TRAK1: variants seen among roughly 807,000 people sequenced by gnomAD.
TRAK1 encodes the protein trafficking kinesin protein 1.
In TRAK1, 33 loss-of-function variants were observed where a neutral mutation model predicts 92.1. That is an observed-to-expected ratio of 0.36 (90% confidence interval 0.27 to 0.48). TRAK1 has a LOEUF of 0.48. Ranked by LOEUF, TRAK1 falls within the 20% of genes least tolerant of loss-of-function variation. The probability of loss-of-function intolerance (pLI) is 0.99; values close to 1 mark genes in which losing one functional copy is unlikely to be tolerated. For synonymous variants in TRAK1, 521 were observed against 517.3 expected (o/e 1.01, Z -0.10); for missense variants, 1,123 against 1,257.9 (o/e 0.89, Z 1.62).
intron 2 of TRAK1, among the ~76,000 whole-genome samples, chr3:42,128,990 T>C (rs1710956594): frequency 6.6e-6 from 1 of 152,222 alleles, no homozygotes; most frequent in Non-Finnish European, 1.5e-5. Flanking sequence ...CCTTTTTTTG[T>C]CGTTGTTAAT....
chr3:42,085,396 T>A (rs1704624039), upstream of TRAK1, among the ~76,000 whole-genome samples: 1 of 152,194 alleles, frequency 6.6e-6, no homozygotes, highest in African/African-American at 2.4e-5. Flanking sequence ...CTCAAACTCC[T>A]GACCTCAAGT....
upstream of TRAK1, among the ~76,000 whole-genome samples, chr3:42,088,258 G>GTGT (rs1205806894): frequency 6.6e-5 from 10 of 152,198 alleles, no homozygotes; most frequent in African/African-American, 2.4e-4. Context: ...GACCTCCTGT[G>GTGT]TGTCAGGGGT....
At chr3:42,042,785 G>A (rs1450011922) in intron 1 of TRAK1, among the ~76,000 whole-genome samples, 1 of 152,104 alleles carries the variant, frequency 6.6e-6, no homozygotes, top group African/African-American at 2.4e-5. Flanking sequence ...TATGCTCCAG[G>A]ATGGAATACA....
chr3:42,206,642 TAGTAAAAGCCC>T lies in TRAK1; in HGVS notation c.1745-3116_1745-3106del, dbSNP rs1708364964. 2.0e-5 allele frequency among the ~76,000 whole-genome samples: 3 copies of T among 152,222 alleles called. No individual in the cohort carries two copies. The South Asian group carries it at 6.2e-4, about 32-fold the overall frequency. On this transcript the variant is annotated intron_variant, in intron 13 of 15. Transcript: ENST00000327628. ...AGACCTCAGAAAAGTGTCTGGCGCT[TAGTAAAAGCCC>T]AGTAAAAGTTGGCTGTTCTTACATG...
At chr3:42,049,167 C>G (rs1312297132) in intron 1 of TRAK1, among the ~76,000 whole-genome samples, 2 of 152,214 alleles carry the variant, frequency 1.3e-5, no homozygotes, top group Non-Finnish European at 2.9e-5. Flanking sequence ...ACCACCGCAC[C>G]CAGCAGGGAT....
intron 1 of TRAK1, among the ~76,000 whole-genome samples, chr3:42,074,949 TGTG>T (rs1398048976): frequency 6.6e-6 from 1 of 152,122 alleles, no homozygotes; most frequent in African/African-American, 2.4e-5. Flanking sequence ...AATAAGAAAA[TGTG>T]GTATTTGGTT....
intron 2 of TRAK1, among the ~76,000 whole-genome samples, chr3:42,138,872 AGG>A (rs201691631): frequency 0.19 from 16,185 of 86,780 alleles, 1,678 homozygotes; most frequent in African/African-American, 0.28. Context: ...AAGAAAGCAT[AGG>A]GGGTGTGTGT....
intron 1 of TRAK1, among the ~76,000 whole-genome samples, chr3:42,041,817 C>T (rs1559717074): frequency 4.1e-5 from 6 of 146,174 alleles, no homozygotes; most frequent in Admixed American, 7.0e-5. Context: ...CTTTTTGAGA[C>T]GGAGTCTCGC....
chr3:42,049,164 C>T (rs1055817864), intron 1 of TRAK1, among the ~76,000 whole-genome samples: 1 of 152,240 alleles, frequency 6.6e-6, no homozygotes, highest in Non-Finnish European at 1.5e-5. Flanking sequence ...TGAACCACCG[C>T]ACCCAGCAGG....
At position 42,139,262 on chromosome 3, in the gene TRAK1, T is replaced by A. The variant is rs558259838; in HGVS notation, c.286+13648T>A. Among the ~76,000 whole-genome samples the A allele has an allele frequency of 7.2e-5, 11 of 152,300 alleles. No homozygotes were observed. The South Asian group carries it at 2.3e-3, about 32-fold the overall frequency. On this transcript the variant is annotated intron_variant, in intron 2 of 15. Transcript: ENST00000327628. The stretch of plus-strand genomic sequence containing the variant: ...GGACCTAAGTGAGCCCTGAGAATTG[T>A]GCCTTCTCTTCTCTTACTGCTCACG...
chr3:42,037,393 G>A (rs1029740810), intron 1 of TRAK1, among the ~76,000 whole-genome samples: 3 of 152,106 alleles, frequency 2.0e-5, no homozygotes, highest in Non-Finnish European at 4.4e-5. Flanking sequence ...CAGAGGTCAG[G>A]GGCTTCATCT....
rs1707182938 is a variant in TRAK1 at position 42,199,251 on chromosome 3, C to T, written c.1188C>T (p.Ile396=). The T allele has an allele frequency of 1.2e-6, 2 of 1,613,936 alleles. No homozygotes were observed. The highest frequency in any genetic ancestry group is 1.7e-6 in the Non-Finnish European group (2 of 1,180,014). Residue 396 remains isoleucine, a splice_region_variant and synonymous_variant, in exon 11 of 16, where the codon ATC becomes ATT. Coordinates refer to ENST00000327628, the MANE Select transcript of TRAK1 (RefSeq NM_001042646.3). ...TGGAAGAGGCCGAGTCTCCAGACAT[C>T]ACGTACGGCCACAGTTTTTACAGTT... ...LQLEEAESPD[I]THQKRVFETV... is the part of the protein sequence containing the mutation.
intron 2 of TRAK1, among the ~76,000 whole-genome samples, chr3:42,132,383 C>G (rs190183757): frequency 5.3e-5 from 8 of 151,574 alleles, no homozygotes; most frequent in Non-Finnish European, 7.4e-5. Flanking sequence ...CCCACCTCAG[C>G]CCCCCAGTAG....
chr3:42,118,357 G>GC (rs1412379226), intron 1 of TRAK1, among the ~76,000 whole-genome samples: 1 of 152,166 alleles, frequency 6.6e-6, no homozygotes, highest in African/African-American at 2.4e-5. Flanking sequence ...CTCCCAAAGT[G>GC]CTGGGATTAT....
intron 10 of TRAK1, among the ~76,000 whole-genome samples, chr3:42,195,303 A>T (rs1706448334): frequency 6.6e-6 from 1 of 152,222 alleles, no homozygotes; most frequent in East Asian, 1.9e-4. Context: ...CACTGACATG[A>T]TGCATTGTAG....
intron 2 of TRAK1, among the ~76,000 whole-genome samples, chr3:42,174,076 C>T (rs182777925): frequency 6.6e-6 from 1 of 152,196 alleles, no homozygotes; most frequent in East Asian, 1.9e-4. Context: ...TGGCCATGGT[C>T]ACTGTGCTTA....
chr3:42,078,752 C>CAAA (rs748321736), intron 1 of TRAK1, among the ~76,000 whole-genome samples: 24 of 49,568 alleles, frequency 4.8e-4, no homozygotes, highest in South Asian at 7.9e-4. Flanking sequence ...GATTCCATCT[C>CAAA]AAAAAAAAAA....
chr3:42,084,841 A>G (rs568883490), upstream of TRAK1, among the ~76,000 whole-genome samples: 27 of 144,666 alleles, frequency 1.9e-4, no homozygotes, highest in Admixed American at 7.6e-4. Context: ...TTTTATCTAC[A>G]TGTTGTTTTG....
intron 1 of TRAK1, among the ~76,000 whole-genome samples, chr3:42,116,795 G>A (rs1465714352): frequency 6.6e-6 from 1 of 152,162 alleles, no homozygotes; most frequent in Non-Finnish European, 1.5e-5. Context: ...TAAAGAAATG[G>A]AGTGGGAGAG....
Sources: allele counts gnomAD v4.1 joint callset (sites outside exome capture counted in the v4.1 genomes callset), GRCh38; gene constraint gnomAD v4.1.1; transcripts MANE v1.5; gene names NCBI Gene and HGNC (gene_info 2026-07-23, HGNC 2026-07-21).